ARSK: variants seen among roughly 807,000 people sequenced by gnomAD.
ARSK encodes arylsulfatase K.
In ARSK, 37 loss-of-function variants were observed where a neutral mutation model predicts 53.2. The observed-to-expected ratio is 0.70, with a 90% CI of 0.54 to 0.92. The LOEUF (loss-of-function observed/expected upper bound fraction) is 0.92. Ranked by LOEUF, ARSK falls within the 40% of genes least tolerant of loss-of-function variation. ARSK has a pLI of 0.00. For missense variants in ARSK, 613 were observed against 643.0 expected, an observed-to-expected ratio of 0.95 and a Z score of 0.51; for synonymous variants, 208 against 223.2, an observed-to-expected ratio of 0.93 and a Z score of 0.61.
chr5:95,563,271 T>C (rs1748671219), intron 1 of ARSK, among the ~76,000 whole-genome samples: 1 of 152,238 alleles, frequency 6.6e-6, no homozygotes, highest in Non-Finnish European at 1.5e-5. Context: ...GAACCAAATT[T>C]TGCAATTGAT....
chr5:95,575,109 C>T (rs901320316), intron 3 of ARSK, among the ~76,000 whole-genome samples: 68 of 152,048 alleles, frequency 4.5e-4, no homozygotes, highest in African/African-American at 1.6e-3. Context: ...CTGTTCCTTC[C>T]CCAATGTATG....
At chr5:95,568,158 C>A (rs1748761986) in intron 3 of ARSK, 109 bp downstream of exon 3, 1 of 1,177,662 alleles carries the variant, frequency 8.5e-7, no homozygotes, top group East Asian at 2.6e-5. Flanking sequence ...GAAAGTAAAT[C>A]TCTTAATCCC....
At chr5:95,597,646 C>T (rs1749333722) in intron 6 of ARSK, among the ~76,000 whole-genome samples, 1 of 152,324 alleles carries the variant, frequency 6.6e-6, no homozygotes, top group South Asian at 2.1e-4. Context: ...GTAATCCCAG[C>T]ACTTTGGGAG....
chr5:95,564,802 G>A (rs1283255052), intron 1 of ARSK, among the ~76,000 whole-genome samples: 1 of 152,060 alleles, frequency 6.6e-6, no homozygotes, highest in Admixed American at 6.5e-5. Flanking sequence ...TTCCCATGCT[G>A]TTTCCCCTCT....
At chr5:95,571,650 G>A (rs1007824605) in intron 3 of ARSK, among the ~76,000 whole-genome samples, 1 of 152,146 alleles carries the variant, frequency 6.6e-6, no homozygotes, top group South Asian at 2.1e-4. Flanking sequence ...TGATGTTTGG[G>A]ATGTCAAAGA....
intron 5 of ARSK, among the ~76,000 whole-genome samples, chr5:95,589,899 T>C (rs1749183081): frequency 6.6e-6 from 1 of 152,198 alleles, no homozygotes; most frequent in African/African-American, 2.4e-5. Context: ...CCACCAACAG[T>C]GTAAAAGCAT....
chr5:95,594,580 G>A (rs757505150), intron 6 of ARSK, among the ~76,000 whole-genome samples: 12 of 152,136 alleles, frequency 7.9e-5, no homozygotes, highest in African/African-American at 2.2e-4. Flanking sequence ...GGTGGCTCAC[G>A]CCTGTAATCC....
intron 3 of ARSK, among the ~76,000 whole-genome samples, chr5:95,572,828 T>C (rs1273844034): frequency 6.6e-6 from 1 of 152,108 alleles, no homozygotes; most frequent in Non-Finnish European, 1.5e-5. Context: ...TTTTGTTGCC[T>C]ATCTATTCCT....
At chr5:95,557,510 G>A (rs895826228) in intron 1 of ARSK, among the ~76,000 whole-genome samples, 3 of 152,134 alleles carry the variant, frequency 2.0e-5, no homozygotes, top group Admixed American at 2.0e-4. Flanking sequence ...TTGAAAATAA[G>A]ACTGTAATAT....
At chr5:95,573,355 T>G (rs1748867887) in intron 3 of ARSK, among the ~76,000 whole-genome samples, 1 of 152,138 alleles carries the variant, frequency 6.6e-6, no homozygotes, top group African/African-American at 2.4e-5. Flanking sequence ...AATAAAAAAT[T>G]TAATATTAAG....
chr5:95,581,109 G>A (rs921761415), intron 3 of ARSK, among the ~76,000 whole-genome samples: 4 of 152,120 alleles, frequency 2.6e-5, no homozygotes, highest in Non-Finnish European at 5.9e-5. Context: ...AGAGAATCAC[G>A]TATTATTTAG....
intron 6 of ARSK, among the ~76,000 whole-genome samples, chr5:95,594,389 A>G (rs1749267912): frequency 6.6e-6 from 1 of 152,266 alleles, no homozygotes; most frequent in African/African-American, 2.4e-5. Flanking sequence ...GATGGATCAA[A>G]AGAAATAAGC....
chr5:95,600,232 A>T (rs189184449), intron 6 of ARSK, among the ~76,000 whole-genome samples: 1 of 152,322 alleles, frequency 6.6e-6, no homozygotes, highest in East Asian at 1.9e-4. Context: ...ATGCTACTTG[A>T]GAATGTAAAA....
intron 6 of ARSK, among the ~76,000 whole-genome samples, chr5:95,597,614 C>T (rs1283856582): frequency 6.6e-6 from 1 of 152,198 alleles, no homozygotes; most frequent in East Asian, 1.9e-4. Flanking sequence ...TGGGGATAGG[C>T]CAGGCGTGGT....
At chr5:95,584,156 A>G (rs1034669456) in intron 4 of ARSK, among the ~76,000 whole-genome samples, 15 of 152,132 alleles carry the variant, frequency 9.9e-5, no homozygotes. Context: ...TCTCTTCATT[A>G]TCTGTTTTTA....
chr5:95,602,358 G>A (rs1157078027), intron 7 of ARSK, among the ~76,000 whole-genome samples: 2 of 152,150 alleles, frequency 1.3e-5, no homozygotes, highest in Non-Finnish European at 2.9e-5. Context: ...AAAAACTGAT[G>A]TGACTATCAA....
intron 1 of ARSK, chr5:95,556,597 G>A (rs1748519403): frequency 4.9e-6 from 1 of 204,054 alleles, no homozygotes; most frequent in Non-Finnish European, 9.7e-6. Flanking sequence ...TCCTAAAAGG[G>A]AATCCGAATG....
chr5:95,560,869 A>G (rs1358040241), intron 1 of ARSK, among the ~76,000 whole-genome samples: 1 of 148,578 alleles, frequency 6.7e-6, no homozygotes, highest in South Asian at 2.1e-4. Context: ...CAGTGGCGCA[A>G]TCTCGGCTTA....
In ARSK at chr5:95,573,273, A is replaced by G. The variant is rs187011887; in HGVS notation, c.416+5224A>G. 4.8e-3 allele frequency among the ~76,000 whole-genome samples: 725 copies of G among 152,304 alleles called. 9 individuals are homozygous for G. The highest frequency in any genetic ancestry group is 6.8e-3 in the Middle Eastern group (2 of 294). On this transcript the variant is annotated intron_variant, in intron 3 of 7. Coordinates refer to ENST00000380009, the MANE Select transcript of ARSK (RefSeq NM_198150.3). ...AAAAAATGTATAGAATTGTGTATAG[A>G]AAGTGTAAAGAATTAGGAGGTAATT...
Sources: allele counts gnomAD v4.1 joint callset (sites outside exome capture counted in the v4.1 genomes callset), GRCh38; gene constraint gnomAD v4.1.1; transcripts MANE v1.5; gene names NCBI Gene and HGNC (gene_info 2026-07-23, HGNC 2026-07-21).